Variants in CABLES1 observed in about 807,000 individuals in gnomAD.
CABLES1 encodes CDK5 and ABL1 enzyme substrate 1.
Under a neutral mutation model 57.8 loss-of-function variants are expected in CABLES1, and 36 were observed. The observed-to-expected ratio is 0.62, with a 90% CI of 0.48 to 0.82. The LOEUF is 0.82. Ranked by LOEUF, CABLES1 falls within the 40% of genes least tolerant of loss-of-function variation. CABLES1 has a pLI of 0.00. For missense variants in CABLES1, 767 were observed against 836.6 expected, an observed-to-expected ratio of 0.92 and a Z score of 1.03; for synonymous variants, 374 against 363.0, an observed-to-expected ratio of 1.03 and a Z score of -0.35.
chr18:23,237,048 C>A, intron 6 of CABLES1, 94 bp from the exon 7 acceptor site: 1 of 796,150 alleles, frequency 1.3e-6, no homozygotes, highest in Non-Finnish European at 2.3e-6. Context: ...AGCCTTTCTT[C>A]ATTCCAGCTA....
chr18:23,206,320 T>G (rs72874989), intron 3 of CABLES1, among the ~76,000 whole-genome samples: 29,090 of 152,264 alleles, frequency 0.19, 3,196 homozygotes, highest in Middle Eastern at 0.28. Context: ...AGCCTCACAT[T>G]TGGACTCATG....
chr18:23,204,940 G>C (rs374241628), intron 3 of CABLES1, among the ~76,000 whole-genome samples: 1 of 152,214 alleles, frequency 6.6e-6, no homozygotes, highest in African/African-American at 2.4e-5. Context: ...TTCAAGATGA[G>C]ATTTGGGTGG....
At chr18:23,246,687 G>C (rs187932430) in intron 7 of CABLES1, among the ~76,000 whole-genome samples, 1 of 151,252 alleles carries the variant, frequency 6.6e-6, no homozygotes, top group East Asian at 2.0e-4. Context: ...CACCGCACCC[G>C]GCCAGTTTTT....
chr18:23,183,472 C>T (rs2047181403), intron 1 of CABLES1, among the ~76,000 whole-genome samples: 1 of 152,232 alleles, frequency 6.6e-6, no homozygotes, highest in Non-Finnish European at 1.5e-5. Flanking sequence ...CCTTGCTTAG[C>T]ATTCCAAGGA....
At chr18:23,138,984 C>A (rs2046840786) in intron 1 of CABLES1, among the ~76,000 whole-genome samples, 1 of 152,128 alleles carries the variant, frequency 6.6e-6, no homozygotes. Context: ...TAACGAGATC[C>A]TCAGGTGATT....
intron 1 of CABLES1, among the ~76,000 whole-genome samples, chr18:23,180,441 T>A (rs531768608): frequency 6.6e-6 from 1 of 152,206 alleles, no homozygotes; most frequent in East Asian, 1.9e-4. Flanking sequence ...CATTTTCCTT[T>A]AAGAGAGCCT....
intron 1 of CABLES1, among the ~76,000 whole-genome samples, chr18:23,155,462 C>A (rs541873975): frequency 1.3e-5 from 2 of 152,176 alleles, no homozygotes; most frequent in African/African-American, 2.4e-5. Flanking sequence ...GCAAACAGAA[C>A]TTTTGTAAAT....
At chr18:23,228,864 A>G (rs2145074522) in intron 4 of CABLES1, among the ~76,000 whole-genome samples, 1 of 152,224 alleles carries the variant, frequency 6.6e-6, no homozygotes, top group East Asian at 1.9e-4. Context: ...TCCTCTAGGT[A>G]CATGTGGCTA....
intron 6 of CABLES1, among the ~76,000 whole-genome samples, 185 bp from the exon 7 acceptor site, chr18:23,236,957 G>A (rs143690075): frequency 6.6e-6 from 1 of 152,234 alleles, no homozygotes; most frequent in African/African-American, 2.4e-5. Flanking sequence ...CTTTTAAGAG[G>A]AGAATCCACT....
chr18:23,234,640 C>T lies in CABLES1; in HGVS notation c.1121C>T (p.Thr374Ile), dbSNP rs1234485662. The T allele has an allele frequency of 2.5e-6, 4 of 1,613,904 alleles. No homozygotes were observed. Among genetic ancestry groups the T allele is most frequent in the Non-Finnish European group, 3.4e-6 (4 of 1,179,836 alleles). The change falls in exon 5 of 10, where the codon ACT becomes ATT. Residue 374 changes from threonine to isoleucine, a missense_variant. By Grantham distance (89) the Thr-to-Ile change is moderately conservative. Coordinates refer to ENST00000256925, the MANE Select transcript of CABLES1 (RefSeq NM_001100619.3). ...DLKLDGGRQS[T>I]GAVSLKEIIG... is the part of the protein sequence containing the mutation. ...AAGTTGGACGGAGGAAGACAATCAA[C>T]TGGTGCAGTGAGTTTGAAAGAGATC...
At chr18:23,201,430 A>T (rs952292083) in intron 3 of CABLES1, among the ~76,000 whole-genome samples, 1 of 152,216 alleles carries the variant, frequency 6.6e-6, no homozygotes, top group South Asian at 2.1e-4. Context: ...GTCCCCCAGC[A>T]GTGGACTTTG....
chr18:23,168,975 A>G (rs1315581465), intron 1 of CABLES1, among the ~76,000 whole-genome samples: 1 of 152,214 alleles, frequency 6.6e-6, no homozygotes, highest in African/African-American at 2.4e-5. Context: ...ATTCTAAATC[A>G]CAGGACGAGG....
chr18:23,144,781 A>G (rs796891843), intron 1 of CABLES1, among the ~76,000 whole-genome samples: 8 of 152,304 alleles, frequency 5.3e-5, no homozygotes, highest in African/African-American at 1.9e-4. Context: ...CGACTGAGGA[A>G]TCTGAGGTGG....
chr18:23,247,237 G>A (rs948915434), intron 7 of CABLES1, among the ~76,000 whole-genome samples: 1 of 152,248 alleles, frequency 6.6e-6, no homozygotes, highest in Non-Finnish European at 1.5e-5. Flanking sequence ...AAGACAGGAT[G>A]TGCCGGAGAA....
At position 23,136,203 on chromosome 18, in the gene CABLES1, G is replaced by T. The variant is rs1260368249; in HGVS notation, c.441G>T (p.Pro147=). 5.6e-6 allele frequency: 7 copies of T among 1,251,694 alleles called. No homozygotes were observed. Among genetic ancestry groups the T allele is most frequent in the Non-Finnish European group, 5.0e-6 (5 of 1,001,156 alleles). The allele number at this position is 1,251,694 out of a possible 1,614,324, so 77.5% of individuals were successfully genotyped here. Residue 147 remains proline (P), a synonymous_variant, in exon 1 of 10, where the codon CCG becomes CCT. Coordinates refer to ENST00000256925, the MANE Select transcript of CABLES1 (RefSeq NM_001100619.3). The stretch of plus-strand genomic sequence containing the variant: ...GCCTCCCACAGCCCTCGTCGCTGCC[G>T]CCCTTGATTCCTGGCGGCCATGCGA... ...GPCLPQPSSL[P]PLIPGGHATV...
At chr18:23,218,328 CCG>C in intron 4 of CABLES1, among the ~76,000 whole-genome samples, 1 of 123,532 alleles carries the variant, frequency 8.1e-6, no homozygotes, top group Non-Finnish European at 1.7e-5. Context: ...GCCCTGCCTC[CCG>C]CATCCTCACT....
chr18:23,229,751 G>A (rs910645265), intron 4 of CABLES1, among the ~76,000 whole-genome samples: 6 of 152,192 alleles, frequency 3.9e-5, no homozygotes, highest in South Asian at 2.1e-4. Context: ...ACCATTCAGA[G>A]TTCCTTTCTG....
At chr18:23,233,467 T>A (rs975789669) in intron 4 of CABLES1, among the ~76,000 whole-genome samples, 3 of 152,134 alleles carry the variant, frequency 2.0e-5, no homozygotes, top group African/African-American at 7.2e-5. Context: ...GTAAATTGGA[T>A]CAAAATAGTA....
intron 1 of CABLES1, among the ~76,000 whole-genome samples, chr18:23,155,593 T>C (rs1228338586): frequency 6.6e-6 from 1 of 152,214 alleles, no homozygotes; most frequent in Non-Finnish European, 1.5e-5. Context: ...GGGAGCTAGT[T>C]CAGCCTTGTT....
Sources: gnomAD v4.1 joint callset for allele counts (sites outside exome capture counted in the v4.1 genomes callset) on GRCh38, gnomAD v4.1.1 for gene constraint, MANE v1.5 for transcripts, NCBI Gene and HGNC (gene_info 2026-07-23, HGNC 2026-07-21) for gene names.